ADD3: variants seen among roughly 807,000 people sequenced by gnomAD.
ADD3 encodes the protein adducin 3.
In ADD3, 25 loss-of-function variants were observed where a neutral mutation model predicts 80.2. The observed-to-expected ratio is 0.31, with a 90% confidence interval of 0.23 to 0.44. The LOEUF (loss-of-function observed/expected upper bound fraction) is 0.44, where lower values mean the gene tolerates loss of function less well. ADD3 is among the 20% of genes least tolerant of loss of function. The probability of loss-of-function intolerance (pLI) is 1.00; values close to 1 mark genes in which losing one functional copy is unlikely to be tolerated. For synonymous variants in ADD3, 284 were observed against 289.6 expected (o/e 0.98, Z 0.20); for missense variants, 829 against 847.5 (o/e 0.98, Z 0.27).
At chr10:110,079,461 A>T (rs9421078) in intron 1 of ADD3, among the ~76,000 whole-genome samples, 20,692 of 97,320 alleles carry the variant, frequency 0.21, 2,416 homozygotes, top group Admixed American at 0.37. Context: ...AGAGAGAGAG[A>T]GTGTGTGTGT....
intron 1 of ADD3, among the ~76,000 whole-genome samples, chr10:110,086,957 C>A (rs745606447): frequency 2.6e-5 from 4 of 152,148 alleles, no homozygotes; most frequent in Non-Finnish European, 4.4e-5. Flanking sequence ...CCAATGTGAG[C>A]AGAATAGCAG....
chr10:110,012,171 A>C (rs1261225309), intron 1 of ADD3, among the ~76,000 whole-genome samples: 2 of 152,236 alleles, frequency 1.3e-5, no homozygotes, highest in Non-Finnish European at 2.9e-5. Context: ...CTGGTGTATT[A>C]ATGTAATATT....
At chr10:110,036,619 G>A (rs1429076477) in intron 1 of ADD3, among the ~76,000 whole-genome samples, 4 of 151,654 alleles carry the variant, frequency 2.6e-5, no homozygotes, top group African/African-American at 7.3e-5. Flanking sequence ...TGATCCGCCC[G>A]CCTTGGCCTC....
At chr10:110,011,593 C>A (rs539105227) in intron 1 of ADD3, among the ~76,000 whole-genome samples, 1 of 152,160 alleles carries the variant, frequency 6.6e-6, no homozygotes, top group Admixed American at 6.5e-5. Context: ...ATAATTAGTG[C>A]TTTTCAGATT....
intron 1 of ADD3, among the ~76,000 whole-genome samples, chr10:110,086,383 C>CT (rs1167235003): frequency 6.6e-6 from 1 of 152,178 alleles, no homozygotes; most frequent in African/African-American, 2.4e-5. Flanking sequence ...GCACTCCAGC[C>CT]TGGGGACAGA....
chr10:110,124,521 GTTAA>G (rs1388690600), intron 10 of ADD3, among the ~76,000 whole-genome samples: 2 of 152,110 alleles, frequency 1.3e-5, no homozygotes, highest in Non-Finnish European at 2.9e-5. Flanking sequence ...GGCAAGAAGG[GTTAA>G]TTAATCATGT....
rs1848729737 is a variant in ADD3, at chr10:110,100,810, G to A, written c.157G>A (p.Glu53Lys). 6.2e-7 allele frequency: 1 copy of A among 1,611,702 alleles called. No homozygotes were observed. The highest frequency in any genetic ancestry group is 1.3e-5 in the African/African-American group (1 of 74,706). ...PDLRQDFNMM[E>K]QRKRVTQILQ... ...TCTACGACAAGACTTCAACATGATG[G>A]AGCAGAGGAAACGAGTTACTCAGAT... The change falls in exon 2 of 15, where the codon GAG becomes AAG. Residue 53 changes from glutamate (E) to lysine (K), a missense_variant. Physicochemically the swap from Glu to Lys is moderately conservative, Grantham distance 56. Transcript: ENST00000356080.
upstream of ADD3, among the ~76,000 whole-genome samples, chr10:110,002,294 G>A (rs575475357): frequency 5.9e-5 from 9 of 151,396 alleles, no homozygotes; most frequent in South Asian, 1.7e-3. Context: ...TTTTTTTTGA[G>A]ACGGAGTCTC....
chr10:110,084,558 G>T (rs11194976), intron 1 of ADD3, among the ~76,000 whole-genome samples: 18,574 of 152,108 alleles, frequency 0.12, 3,630 homozygotes, highest in African/African-American at 0.42. Context: ...AAAGTATTGG[G>T]TAAGATAAAT....
intron 1 of ADD3, among the ~76,000 whole-genome samples, chr10:110,017,306 T>C (rs946975110): frequency 6.6e-6 from 1 of 152,236 alleles, no homozygotes; most frequent in Admixed American, 6.5e-5. Context: ...GTTGTTGTTT[T>C]TAAGGAAGTG....
intron 1 of ADD3, among the ~76,000 whole-genome samples, chr10:110,061,112 C>T (rs146717123): frequency 5.9e-5 from 9 of 152,098 alleles, no homozygotes; most frequent in African/African-American, 1.4e-4. Context: ...AAAAACCCAC[C>T]GCTATATAAT....
chr10:110,029,360 A>G (rs180766563), intron 1 of ADD3, among the ~76,000 whole-genome samples: 1 of 152,360 alleles, frequency 6.6e-6, no homozygotes, highest in Non-Finnish European at 1.5e-5. Context: ...CTTGGTGACT[A>G]TACTTCTTGT....
At chr10:110,119,160 A>G in intron 6 of ADD3, 51 bp from the exon 7 acceptor site, 1 of 1,596,178 alleles carries the variant, frequency 6.3e-7, no homozygotes, top group Non-Finnish European at 8.6e-7. Context: ...TTCCTATGAA[A>G]ATGTATTTAG....
chr10:110,068,288 TC>T (rs978754117), intron 1 of ADD3, among the ~76,000 whole-genome samples: 1 of 151,838 alleles, frequency 6.6e-6, no homozygotes, highest in Admixed American at 6.6e-5. Flanking sequence ...CTTTTCCACC[TC>T]CCCCCCTCCT....
chr10:110,130,482 A>G lies in ADD3; in HGVS notation c.1728A>G (p.Leu576=). The change falls in exon 13 of 15, where the codon CTA becomes CTG. Residue 576 remains leucine (L), a synonymous_variant. Coordinates refer to ENST00000356080, the MANE Select transcript of ADD3 (RefSeq NM_016824.5). ...KRTIERKQQG[L]EDAEQELLSD... ...CAATCGAACGTAAACAACAAGGCCT[A>G]GAAGGTTAGTTAATCTTTACATTCA... The G allele has an allele frequency of 6.2e-7, 1 of 1,613,464 alleles. No homozygotes were observed. Among genetic ancestry groups the G allele is most frequent in the Non-Finnish European group, 8.5e-7 (1 of 1,179,722 alleles).
chr10:110,134,216 T>C lies in ADD3; in HGVS notation c.*598T>C, dbSNP rs1258584328. ...GTAACTTTGTTTGCCAAAAAAGTTG[T>C]TTTAATAAACTATAATTTTTGAAAA... On this transcript the variant is annotated 3_prime_UTR_variant, in exon 15 of 15. Coordinates refer to ENST00000356080, the MANE Select transcript of ADD3 (RefSeq NM_016824.5). 6.6e-6 allele frequency: 1 copy of C among 152,570 alleles called. No individual in the cohort carries two copies. The highest frequency in any genetic ancestry group is 1.5e-5 in the Non-Finnish European group (1 of 68,020). 9.5% of individuals were successfully genotyped at this position (152,570 alleles called of 1,614,324 possible). A position where few individuals can be genotyped will look rare whatever the true frequency, so the allele number is the denominator to read the frequency against.
At chr10:110,063,735 CATTATATATATA>C (rs1843493596) in intron 1 of ADD3, among the ~76,000 whole-genome samples, 1 of 52,044 alleles carries the variant, frequency 1.9e-5, no homozygotes, top group African/African-American at 6.8e-5. Flanking sequence ...TATATATATT[CATTATATATATA>C]TATATATATA....
At chr10:110,005,207 G>A (rs989145812), upstream of ADD3, among the ~76,000 whole-genome samples, 4 of 151,968 alleles carry the variant, frequency 2.6e-5, no homozygotes, top group Admixed American at 6.6e-5. Context: ...GATTACAGGC[G>A]CCTGCCACCA....
In ADD3 at chr10:110,119,359, G is replaced by C; in HGVS notation, c.861+5G>C. 6.2e-7 allele frequency: 1 copy of C among 1,613,962 alleles called. No individual in the cohort carries two copies. Among genetic ancestry groups the C allele is most frequent in the Non-Finnish European group, 8.5e-7 (1 of 1,179,902 alleles). On this transcript the variant is annotated splice_donor_5th_base_variant and intron_variant, in intron 7 of 14. Transcript: ENST00000356080. ...GTTCTGGGACCAAGTTGTAAGGTAT[G>C]TAGTAGAGTTTGTCTAAGGAGCTAT...
Sources: allele counts gnomAD v4.1 joint callset (sites outside exome capture counted in the v4.1 genomes callset), GRCh38; gene constraint gnomAD v4.1.1; transcripts MANE v1.5; gene names NCBI Gene and HGNC (gene_info 2026-07-23, HGNC 2026-07-21).